GPR158: variants seen among roughly 807,000 people sequenced by gnomAD.
GPR158 encodes the protein G protein-coupled receptor 158, also known as metabotropic glycine receptor.
GPR158 carries 30 observed loss-of-function variants against 78.2 expected under a neutral mutation model. The observed-to-expected ratio is 0.38, with a 90% CI of 0.29 to 0.52. The LOEUF (loss-of-function observed/expected upper bound fraction) is 0.52. GPR158 is among the 20% of genes least tolerant of loss of function. The pLI is 0.83. For synonymous variants in GPR158, 581 were observed against 591.1 expected (o/e 0.98, Z 0.25); for missense variants, 1,463 against 1,523.5 (o/e 0.96, Z 0.66).
intron 2 of GPR158, among the ~76,000 whole-genome samples, chr10:25,391,043 G>C (rs982410867): frequency 6.6e-5 from 10 of 152,194 alleles, no homozygotes; most frequent in Admixed American, 2.6e-4. Flanking sequence ...CCCAAACCTT[G>C]GTGGCTTCCA....
intron 1 of GPR158, among the ~76,000 whole-genome samples, chr10:25,196,707 C>T (rs1190282463): frequency 6.6e-6 from 1 of 152,206 alleles, no homozygotes; most frequent in Admixed American, 6.5e-5. Flanking sequence ...GAACTAATAA[C>T]CATTCTAGAA....
intron 2 of GPR158, among the ~76,000 whole-genome samples, chr10:25,382,126 A>T (rs911983932): frequency 3.3e-5 from 5 of 152,332 alleles, no homozygotes; most frequent in African/African-American, 1.2e-4. Context: ...GATTTAGTGG[A>T]GGGGAGTGTT....
At chr10:25,267,895 T>C (rs1476803228) in intron 2 of GPR158, among the ~76,000 whole-genome samples, 2 of 152,174 alleles carry the variant, frequency 1.3e-5, no homozygotes. Flanking sequence ...GCAGAAGAAT[T>C]ACCCAAATAG....
chr10:25,471,136 G>T (rs887530267), intron 5 of GPR158, among the ~76,000 whole-genome samples: 2 of 143,846 alleles, frequency 1.4e-5, no homozygotes, highest in Admixed American at 7.2e-5. Context: ...AGGCCCCGGT[G>T]TGTGATGTTC....
intron 2 of GPR158, among the ~76,000 whole-genome samples, chr10:25,263,450 T>C (rs1853995552): frequency 6.6e-6 from 1 of 152,216 alleles, no homozygotes; most frequent in South Asian, 2.1e-4. Context: ...TCAAGTAATA[T>C]CAGTCCTCCA....
intron 6 of GPR158, among the ~76,000 whole-genome samples, chr10:25,560,167 C>T (rs1836843104): frequency 6.6e-6 from 1 of 152,200 alleles, no homozygotes; most frequent in African/African-American, 2.4e-5. Flanking sequence ...TCCTAAATTA[C>T]TTTTGTGGTT....
At chr10:25,482,370 A>G (rs1336619324) in intron 5 of GPR158, among the ~76,000 whole-genome samples, 1 of 152,010 alleles carries the variant, frequency 6.6e-6, no homozygotes, top group African/African-American at 2.4e-5. Flanking sequence ...TTTCTTAGAG[A>G]TGAAGTCTTG....
Position 25,302,631 on chromosome 10 carries a change from G to C in GPR158, c.1008+81474G>C, listed in dbSNP as rs1174382461. Among the ~76,000 whole-genome samples, 4 of 152,080 alleles carry C rather than the reference G, an allele frequency of 2.6e-5. No homozygotes were observed. In the East Asian group the frequency reaches 7.7e-4, roughly 29 times the overall value. On this transcript the variant is annotated intron_variant, in intron 2 of 10. Transcript: ENST00000376351. ...GACTTGCGAGCCACATATGGTCTCT[G>C]TCACATATTCTTCTTACTTTTTTAA...
At chr10:25,590,856 T>C (rs938016853) in intron 8 of GPR158, among the ~76,000 whole-genome samples, 2 of 152,164 alleles carry the variant, frequency 1.3e-5, no homozygotes, top group African/African-American at 4.8e-5. Context: ...TAAATCTGTT[T>C]AGAAGTTTAA....
intron 2 of GPR158, among the ~76,000 whole-genome samples, chr10:25,383,087 C>T (rs994629882): frequency 1.8e-4 from 28 of 152,102 alleles, no homozygotes; most frequent in Admixed American, 5.9e-4. Context: ...CACCTGCCTC[C>T]GTCTCCCAAA....
chr10:25,305,959 G>A (rs144563115), intron 2 of GPR158, among the ~76,000 whole-genome samples: 42 of 152,240 alleles, frequency 2.8e-4, no homozygotes, highest in Middle Eastern at 3.4e-3. Context: ...AAAACATGGC[G>A]TTAATGATTC....
chr10:25,231,177 T>C (rs998116431), intron 2 of GPR158, among the ~76,000 whole-genome samples: 1 of 152,226 alleles, frequency 6.6e-6, no homozygotes, highest in African/African-American at 2.4e-5. Context: ...TCATTCAAGC[T>C]AGCTTATAGG....
At chr10:25,361,702 C>T (rs1855643845) in intron 2 of GPR158, among the ~76,000 whole-genome samples, 1 of 151,930 alleles carries the variant, frequency 6.6e-6, no homozygotes, top group African/African-American at 2.4e-5. Flanking sequence ...ATTAAGCAAG[C>T]ATCTCTTTGG....
intron 2 of GPR158, among the ~76,000 whole-genome samples, chr10:25,300,844 A>T (rs1279493125): frequency 6.6e-6 from 1 of 152,016 alleles, no homozygotes; most frequent in Non-Finnish European, 1.5e-5. Flanking sequence ...AGTGGGAAAG[A>T]GAGGGAGAGA....
intron 2 of GPR158, among the ~76,000 whole-genome samples, chr10:25,339,433 T>C (rs796269744): frequency 4.6e-5 from 7 of 152,238 alleles, no homozygotes; most frequent in African/African-American, 1.7e-4. Context: ...TATTTGCACA[T>C]GTTTGTCATC....
chr10:25,434,005 A>C (rs544098203), intron 4 of GPR158, among the ~76,000 whole-genome samples: 7 of 152,240 alleles, frequency 4.6e-5, no homozygotes. Flanking sequence ...TAAAAATAAA[A>C]AAAATTAGCC....
At chr10:25,476,300 T>C (rs1835582673) in intron 5 of GPR158, among the ~76,000 whole-genome samples, 1 of 152,114 alleles carries the variant, frequency 6.6e-6, no homozygotes, top group African/African-American at 2.4e-5. Context: ...AGACATTTTA[T>C]GGATTAGTAA....
At position 25,530,603 on chromosome 10, in the gene GPR158, C is replaced by A. The variant is rs1836410822; in HGVS notation, c.1405-20373C>A. On this transcript the variant is annotated intron_variant, in intron 5 of 10. Transcript: ENST00000376351. ...CAGGAGAGTTTAAAGACATGTAAAA[C>A]AAACAAAGCTGATCCATTATCCAGA... Among the ~76,000 whole-genome samples the A allele has an allele frequency of 1.3e-5, 2 of 152,178 alleles. 1 individual carries two copies. Among genetic ancestry groups the A allele is most frequent in the Non-Finnish European group, 2.9e-5 (2 of 68,022 alleles).
At chr10:25,464,224 C>T (rs1241221483) in intron 4 of GPR158, among the ~76,000 whole-genome samples, 1 of 152,146 alleles carries the variant, frequency 6.6e-6, no homozygotes, top group Admixed American at 6.6e-5. Flanking sequence ...CGTACTCCTG[C>T]TACTGTTATG....
Sources: gnomAD v4.1 joint callset for allele counts (sites outside exome capture counted in the v4.1 genomes callset) on GRCh38, gnomAD v4.1.1 for gene constraint, MANE v1.5 for transcripts, NCBI Gene and HGNC (gene_info 2026-07-23, HGNC 2026-07-21) for gene names.